The following MGAT4C variants were observed in gnomAD, a reference collection of about 807,000 sequenced individuals.
MGAT4C encodes the protein MGAT4 family member C.
MGAT4C carries 19 observed loss-of-function variants against 40.1 expected under a neutral mutation model. That is an observed-to-expected ratio of 0.47 (90% confidence interval 0.33 to 0.70). MGAT4C has a LOEUF of 0.70. Ranked by LOEUF, MGAT4C falls within the 30% of genes least tolerant of loss-of-function variation. The probability of loss-of-function intolerance (pLI) is 0.02; values close to 1 mark genes in which losing one functional copy is unlikely to be tolerated. For synonymous variants in MGAT4C, 181 were observed against 187.1 expected (o/e 0.97, Z 0.27); for missense variants, 491 against 563.2 (o/e 0.87, Z 1.30).
intron 3 of MGAT4C, among the ~76,000 whole-genome samples, chr12:86,338,822 G>A (rs1954842267): frequency 6.6e-6 from 1 of 151,890 alleles, no homozygotes; most frequent in South Asian, 2.1e-4. Flanking sequence ...AGCCAGGCAT[G>A]GTGGCACACA....
intron 2 of MGAT4C, among the ~76,000 whole-genome samples, chr12:86,672,512 G>A (rs1222444246): frequency 6.6e-6 from 1 of 151,616 alleles, no homozygotes; most frequent in African/African-American, 2.4e-5. Flanking sequence ...AAAGATAAAC[G>A]AAATTGACAA....
chr12:86,212,672 A>G (rs185865772), intron 1 of MGAT4C, among the ~76,000 whole-genome samples: 2,206 of 148,832 alleles, frequency 0.015, 31 homozygotes, highest in African/African-American at 0.035. Context: ...GCGGATCACG[A>G]GGTCAGGAGA....
intron 2 of MGAT4C, among the ~76,000 whole-genome samples, chr12:86,604,095 C>T (rs2136465321): frequency 6.6e-6 from 1 of 151,992 alleles, no homozygotes; most frequent in South Asian, 2.1e-4. Flanking sequence ...TTCTGCCTAA[C>T]TAAATTACAA....
chr12:86,676,718 T>C (rs1385877919), intron 2 of MGAT4C, among the ~76,000 whole-genome samples: 1 of 152,096 alleles, frequency 6.6e-6, no homozygotes, highest in Non-Finnish European at 1.5e-5. Flanking sequence ...CATTTTGACT[T>C]GTCAGTGCTA....
chr12:86,591,741 T>C (rs1298755389), intron 2 of MGAT4C, among the ~76,000 whole-genome samples: 1 of 151,698 alleles, frequency 6.6e-6, no homozygotes, highest in Non-Finnish European at 1.5e-5. Flanking sequence ...TCCCAGGTTA[T>C]TAATATATTA....
intron 4 of MGAT4C, among the ~76,000 whole-genome samples, chr12:86,275,333 G>A (rs201293298): frequency 0.11 from 4,364 of 40,840 alleles, 105 homozygotes; most frequent in East Asian, 0.5. Context: ...GTGATCTCAT[G>A]CAGTCTCATT....
chr12:86,603,038 A>G (rs1453487619), intron 2 of MGAT4C, among the ~76,000 whole-genome samples: 1 of 151,670 alleles, frequency 6.6e-6, no homozygotes, highest in Admixed American at 6.6e-5. Context: ...GCACAATGTC[A>G]CTTATTGGAG....
At chr12:86,457,621 T>A (rs1352474936) in intron 2 of MGAT4C, among the ~76,000 whole-genome samples, 1 of 152,084 alleles carries the variant, frequency 6.6e-6, no homozygotes, top group African/African-American at 2.4e-5. Flanking sequence ...TTAGCTGAAA[T>A]GTCATCTTAG....
At chr12:86,117,630 CT>C (rs1454104585) in intron 1 of MGAT4C, among the ~76,000 whole-genome samples, 1 of 152,090 alleles carries the variant, frequency 6.6e-6, no homozygotes, top group Non-Finnish European at 1.5e-5. Context: ...AATAAAACTC[CT>C]TTCACCAAAA....
intron 2 of MGAT4C, among the ~76,000 whole-genome samples, chr12:85,998,830 C>A (rs1269333071): frequency 6.6e-6 from 1 of 152,144 alleles, no homozygotes; most frequent in African/African-American, 2.4e-5. Context: ...CTGAGCCCCC[C>A]AAACTGTTCC....
intron 2 of MGAT4C, among the ~76,000 whole-genome samples, chr12:86,485,787 A>T (rs574286378): frequency 7.2e-5 from 11 of 152,150 alleles, no homozygotes; most frequent in Admixed American, 2.0e-4. Flanking sequence ...CATATTCACC[A>T]AGATCAGTGA....
At chr12:86,319,979 A>C (rs1954340089) in intron 4 of MGAT4C, among the ~76,000 whole-genome samples, 1 of 152,190 alleles carries the variant, frequency 6.6e-6, no homozygotes, top group Admixed American at 6.5e-5. Context: ...TTAGTTTTAC[A>C]GAGAACCAGT....
chr12:86,012,881 T>C (rs1322099111), intron 2 of MGAT4C, among the ~76,000 whole-genome samples: 1 of 151,220 alleles, frequency 6.6e-6, no homozygotes, highest in Non-Finnish European at 1.5e-5. Flanking sequence ...CCCAGCACTT[T>C]GGGAGGCTGA....
rs186208501 is a variant in MGAT4C, at chr12:86,138,422, A to G, written c.-56-88699T>C. On this transcript the variant is annotated intron_variant, in intron 1 of 4. Coordinates refer to ENST00000611864, the MANE Select transcript of MGAT4C (RefSeq NM_001351288.2). The stretch of plus-strand genomic sequence containing the variant: ...GGCAACTCAAACTCAATGTATCTCA[A>G]TGATCTAGCTCAACAAACATTGTAT... 5.2e-4 allele frequency among the ~76,000 whole-genome samples: 78 copies of G among 150,050 alleles called. 1 individual carries two copies. Among genetic ancestry groups the G allele is most frequent in the Middle Eastern group, 3.5e-3 (1 of 286 alleles).
At chr12:86,131,750 T>TC (rs1272549424) in intron 1 of MGAT4C, among the ~76,000 whole-genome samples, 3 of 151,844 alleles carry the variant, frequency 2.0e-5, no homozygotes, top group Admixed American at 2.0e-4. Flanking sequence ...CTGGTTTTTT[T>TC]TTCAGCCTGC....
chr12:86,761,786 T>G (rs1350842289), intron 1 of MGAT4C, among the ~76,000 whole-genome samples: 6 of 152,216 alleles, frequency 3.9e-5, no homozygotes, highest in Admixed American at 1.3e-4. Context: ...TTGATGGCTA[T>G]TCTCTTGAAC....
At chr12:86,229,719 A>G (rs1951237547) in intron 1 of MGAT4C, among the ~76,000 whole-genome samples, 1 of 152,058 alleles carries the variant, frequency 6.6e-6, no homozygotes. Context: ...GCATCTTAAA[A>G]TGGAATAAAC....
At chr12:86,798,885 A>C in intron 1 of MGAT4C, among the ~76,000 whole-genome samples, 1 of 151,894 alleles carries the variant, frequency 6.6e-6, no homozygotes, top group East Asian at 1.9e-4. Context: ...TTATTCTGTA[A>C]GAAGCAAATG....
intron 1 of MGAT4C, among the ~76,000 whole-genome samples, chr12:86,100,826 C>T (rs1011004227): frequency 3.3e-5 from 5 of 151,356 alleles, no homozygotes; most frequent in African/African-American, 4.8e-5. Flanking sequence ...ATATTCATAA[C>T]TGGGGCTAGC....
Sources: allele counts gnomAD v4.1 joint callset (sites outside exome capture counted in the v4.1 genomes callset), GRCh38; gene constraint gnomAD v4.1.1; transcripts MANE v1.5; gene names NCBI Gene and HGNC (gene_info 2026-07-23, HGNC 2026-07-21).